NPSR1: variants seen among roughly 807,000 people sequenced by gnomAD.
NPSR1 encodes neuropeptide S receptor.
Under a neutral mutation model 46.9 loss-of-function variants are expected in NPSR1, and 48 were observed. The ratio of observed to expected loss-of-function variants is 1.02; its 90% CI spans 0.81 to 1.30. The LOEUF (loss-of-function observed/expected upper bound fraction) is 1.30. NPSR1 is among the 50% of genes most tolerant of loss of function. The pLI, the probability that NPSR1 is intolerant of heterozygous loss-of-function variation, is 0.00. For missense variants in NPSR1, 450 were observed against 449.5 expected, an observed-to-expected ratio of 1.00 and a Z score of -0.01; for synonymous variants, 176 against 168.1, an observed-to-expected ratio of 1.05 and a Z score of -0.36.
intron 7 of NPSR1, 73 bp from the exon 8 acceptor site, chr7:34,848,410 C>A: frequency 7.6e-7 from 1 of 1,316,058 alleles, no homozygotes; most frequent in Non-Finnish European, 1.1e-6. Flanking sequence ...AGGTAAAAGT[C>A]CAGTCAGGAC....
At chr7:34,854,535 C>A (rs887600287), downstream of NPSR1, among the ~76,000 whole-genome samples, 3 of 152,066 alleles carry the variant, frequency 2.0e-5, no homozygotes, top group Admixed American at 6.6e-5. Flanking sequence ...GACTAAATAC[C>A]TTTTAAGGCA....
At chr7:34,865,314 G>A (rs1412325746) in intron 8 of NPSR1, among the ~76,000 whole-genome samples, 3 of 151,824 alleles carry the variant, frequency 2.0e-5, no homozygotes, top group Admixed American at 6.6e-5. Flanking sequence ...GGGCTGATGC[G>A]GGACAGGTTT....
At chr7:34,667,194 C>A (rs967607608) in intron 1 of NPSR1, among the ~76,000 whole-genome samples, 1 of 152,208 alleles carries the variant, frequency 6.6e-6, no homozygotes, top group African/African-American at 2.4e-5. Context: ...CTGGACCTGG[C>A]AGGCAGGTGT....
chr7:34,751,857 T>C, intron 2 of NPSR1: 1 of 1,578,598 alleles, frequency 6.3e-7, no homozygotes, highest in Non-Finnish European at 8.7e-7. Flanking sequence ...CCTCTTTGAA[T>C]GGGATCCAGA....
chr7:34,864,525 C>A (rs1369248793), intron 8 of NPSR1, among the ~76,000 whole-genome samples: 6 of 151,338 alleles, frequency 4.0e-5, no homozygotes, highest in Non-Finnish European at 8.8e-5. Flanking sequence ...GATATTAAAC[C>A]CCAAAGGAGT....
chr7:34,732,079 C>CAA (rs535991989), intron 2 of NPSR1, among the ~76,000 whole-genome samples: 189 of 93,636 alleles, frequency 2.0e-3, no homozygotes, highest in Non-Finnish European at 2.9e-3. Flanking sequence ...GACTTCATCT[C>CAA]AAAAAAAAAA....
intron 6 of NPSR1, among the ~76,000 whole-genome samples, chr7:34,843,276 A>G (rs1412161955): frequency 6.6e-6 from 1 of 152,262 alleles, no homozygotes; most frequent in Non-Finnish European, 1.5e-5. Context: ...AGAGCAGGGC[A>G]CTTGCAACTG....
rs559060897 is a variant in NPSR1, at chr7:34,847,243, A to C, written c.845-1240A>C. On this transcript the variant is annotated intron_variant, in intron 7 of 8. Transcript: ENST00000360581. ...GCTTGTCCCTGCATGCAGACAGCCA[A>C]GGAAGCCAAACTTCTACTCCGAGAA... 1.6e-4 allele frequency among the ~76,000 whole-genome samples: 24 copies of C among 152,322 alleles called. 1 individual carries two copies. Among genetic ancestry groups the C allele is most frequent in the African/African-American group, 5.5e-4 (23 of 41,556 alleles).
chr7:34,792,643 A>ATATATATGTATATATATATT (rs1554331457), intron 3 of NPSR1, among the ~76,000 whole-genome samples: 13 of 91,518 alleles, frequency 1.4e-4, no homozygotes, highest in African/African-American at 2.8e-4. Context: ...GTGTATGTGT[A>ATATATATGTATATATATATT]TATATATATG....
chr7:34,794,479 A>G (rs569394333), intron 3 of NPSR1, among the ~76,000 whole-genome samples: 1 of 152,282 alleles, frequency 6.6e-6, no homozygotes, highest in South Asian at 2.1e-4. Flanking sequence ...ACAGTCTATT[A>G]TAACTCATAC....
intron 4 of NPSR1, among the ~76,000 whole-genome samples, chr7:34,825,396 G>A (rs1393576916): frequency 1.3e-5 from 2 of 152,204 alleles, no homozygotes; most frequent in Non-Finnish European, 2.9e-5. Flanking sequence ...GGCTTCACAT[G>A]ATGACTCACA....
chr7:34,791,157 AT>A (rs1562731194), intron 3 of NPSR1, among the ~76,000 whole-genome samples: 86 of 122,442 alleles, frequency 7.0e-4, no homozygotes, highest in African/African-American at 2.6e-3. Flanking sequence ...TATGTTATAT[AT>A]TATATATGTT....
At chr7:34,751,521 C>T in intron 2 of NPSR1, 1 of 1,520,598 alleles carries the variant, frequency 6.6e-7, no homozygotes, top group South Asian at 1.1e-5. Context: ...CCAGCTCCTC[C>T]TCCATAGTGG....
intron 2 of NPSR1, among the ~76,000 whole-genome samples, chr7:34,687,325 C>T (rs1792987571): frequency 1.3e-5 from 2 of 152,034 alleles, no homozygotes; most frequent in Non-Finnish European, 2.9e-5. Context: ...ACAGTGATAA[C>T]TCAATAGTAT....
At chr7:34,831,825 A>T (rs1790133589) in intron 5 of NPSR1, among the ~76,000 whole-genome samples, 1 of 152,186 alleles carries the variant, frequency 6.6e-6, no homozygotes, top group African/African-American at 2.4e-5. Flanking sequence ...ATAGAAGCAG[A>T]AGAGATTCAC....
chr7:34,854,713 A>G (rs1294919194), downstream of NPSR1, among the ~76,000 whole-genome samples: 1 of 152,240 alleles, frequency 6.6e-6, no homozygotes, highest in Non-Finnish European at 1.5e-5. Flanking sequence ...TCACAACCCT[A>G]ATGGGGAATT....
chr7:34,775,915 G>T (rs765162808), intron 2 of NPSR1, among the ~76,000 whole-genome samples: 9 of 151,822 alleles, frequency 5.9e-5, no homozygotes, highest in African/African-American at 1.9e-4. Flanking sequence ...CATAGATTTT[G>T]GTATGTTGTG....
At chr7:34,693,406 A>C (rs1793363039) in intron 2 of NPSR1, among the ~76,000 whole-genome samples, 2 of 152,182 alleles carry the variant, frequency 1.3e-5, no homozygotes, top group African/African-American at 4.8e-5. Flanking sequence ...GAAATGGATA[A>C]ATCCCAGAAA....
chr7:34,687,229 CA>C lies in NPSR1; in HGVS notation c.280+2548del, dbSNP rs1315044404. ...GGAACTAGTTACAATGATAAACAGA[CA>C]AAGAAAAATACACATTCATATTTAT... On this transcript the variant is annotated intron_variant, in intron 2 of 8. Transcript: ENST00000360581. Among the ~76,000 whole-genome samples the C allele has an allele frequency of 2.8e-4, 42 of 151,404 alleles. No homozygotes were observed. The Middle Eastern group carries it at 0.01, about 37-fold the overall frequency.
Sources: allele counts gnomAD v4.1 joint callset (sites outside exome capture counted in the v4.1 genomes callset), GRCh38; gene constraint gnomAD v4.1.1; transcripts MANE v1.5; gene names NCBI Gene and HGNC (gene_info 2026-07-23, HGNC 2026-07-21).